Variants in GARIN2 observed in about 807,000 individuals in gnomAD.
The protein encoded by GARIN2 is Golgi-associated RAB2 interactor protein 2.
the GARIN2 span, among the ~76,000 whole-genome samples, chr14:67,216,759 T>G: frequency 6.6e-6 from 1 of 152,170 alleles, no homozygotes; most frequent in Non-Finnish European, 1.5e-5. Context: ...TGTGGTCAGA[T>G]AAAATACTTG....
chr14:67,226,869 T>A, the GARIN2 span, among the ~76,000 whole-genome samples: 1 of 152,208 alleles, frequency 6.6e-6, no homozygotes, highest in East Asian at 1.9e-4. Context: ...ACTTGTTGTA[T>A]GGTGTGGAGA....
the GARIN2 span, among the ~76,000 whole-genome samples, chr14:67,227,285 C>T: frequency 4.0e-5 from 6 of 151,634 alleles, no homozygotes; most frequent in Non-Finnish European, 8.8e-5. Context: ...ACTATAAATA[C>T]AAAAATTAGC....
At chr14:67,228,125 G>T in the GARIN2 span, among the ~76,000 whole-genome samples, 2 of 150,182 alleles carry the variant, frequency 1.3e-5, no homozygotes, top group Admixed American at 6.6e-5. Flanking sequence ...AGCCGAGATT[G>T]TGCCACTGCA....
the GARIN2 span, chr14:67,199,767 G>A: frequency 2.6e-6 from 4 of 1,538,638 alleles, no homozygotes; most frequent in Non-Finnish European, 3.5e-6. Context: ...CCTCCACCAG[G>A]CATGCCTCCT....
chr14:67,214,654 T>C, the GARIN2 span, among the ~76,000 whole-genome samples: 1 of 152,004 alleles, frequency 6.6e-6, no homozygotes, highest in Non-Finnish European at 1.5e-5. Flanking sequence ...TGCGGGCTCT[T>C]TTTTGGTTCC....
chr14:67,212,625 T>TTATATATAA, the GARIN2 span, among the ~76,000 whole-genome samples: 1 of 145,126 alleles, frequency 6.9e-6, no homozygotes, highest in East Asian at 2.0e-4. Context: ...GTAATATATA[T>TTATATATAA]TATATATAAT....
the GARIN2 span, chr14:67,200,117 C>A: frequency 1.2e-5 from 13 of 1,057,762 alleles, no homozygotes; most frequent in Middle Eastern, 2.6e-4. Flanking sequence ...GGCATGCCCC[C>A]CCGAAGGCCT....
At chr14:67,208,183 C>T in the GARIN2 span, 2 of 1,612,194 alleles carry the variant, frequency 1.2e-6, no homozygotes, top group African/African-American at 2.7e-5. Context: ...TGATTTGCTG[C>T]TGCTTTTTAT....
At chr14:67,226,986 A>C in the GARIN2 span, among the ~76,000 whole-genome samples, 16 of 152,266 alleles carry the variant, frequency 1.1e-4, no homozygotes, top group East Asian at 2.9e-3. Context: ...AAAGAGAGAA[A>C]TTTCTTTCAA....
the GARIN2 span, among the ~76,000 whole-genome samples, chr14:67,210,958 C>T: frequency 3.9e-5 from 6 of 152,060 alleles, no homozygotes; most frequent in East Asian, 1.2e-3. Context: ...TGAGATTGCA[C>T]CACTGCACTC....
chr14:67,201,720 A>G, the GARIN2 span: 2 of 344,472 alleles, frequency 5.8e-6, no homozygotes, highest in Non-Finnish European at 1.2e-5. Flanking sequence ...GGATTCTGTT[A>G]ATCCAGAAGA....
At chr14:67,225,052 C>A in the GARIN2 span, 1 of 1,324,534 alleles carries the variant, frequency 7.5e-7, no homozygotes, top group Non-Finnish European at 1.0e-6. Context: ...GGCTTTTTTT[C>A]TTTCTCACTT....
At chr14:67,194,874 T>C in the GARIN2 span, among the ~76,000 whole-genome samples, 1 of 152,172 alleles carries the variant, frequency 6.6e-6, no homozygotes, top group East Asian at 1.9e-4. Context: ...GCCAGGCTGA[T>C]CTTGAACTCC....
chr14:67,191,511 C>G, the GARIN2 span, among the ~76,000 whole-genome samples: 1 of 152,188 alleles, frequency 6.6e-6, no homozygotes, highest in South Asian at 2.1e-4. Flanking sequence ...CACTCTCTCC[C>G]CTTCCCAATG....
the GARIN2 span, chr14:67,199,810 T>C: frequency 6.6e-7 from 1 of 1,511,514 alleles, no homozygotes; most frequent in Non-Finnish European, 8.9e-7. Flanking sequence ...TGCTGCCTCC[T>C]GGAGCCCTCC....
chr14:67,212,578 A>C, the GARIN2 span, among the ~76,000 whole-genome samples: 1 of 122,260 alleles, frequency 8.2e-6, no homozygotes, highest in African/African-American at 3.2e-5. Context: ...GTGACAGAGC[A>C]AGACCCTGTT....
chr14:67,208,322 A>C, the GARIN2 span: 1 of 1,614,018 alleles, frequency 6.2e-7, no homozygotes, highest in Non-Finnish European at 8.5e-7. Flanking sequence ...TGAAGGTAAA[A>C]GATATTTTCA....
At chr14:67,210,182 T>C in the GARIN2 span, among the ~76,000 whole-genome samples, 1 of 152,226 alleles carries the variant, frequency 6.6e-6, no homozygotes, top group Non-Finnish European at 1.5e-5. Flanking sequence ...ATGGAAAACC[T>C]GTAAGTAATC....
At chr14:67,223,602 G>A in the GARIN2 span, 2 of 468,132 alleles carry the variant, frequency 4.3e-6, no homozygotes, top group Admixed American at 1.3e-4. Context: ...TCCACTCTGG[G>A]CTTGTTAAAT....
Sources: gnomAD v4.1 joint callset for allele counts (sites outside exome capture counted in the v4.1 genomes callset) on GRCh38, gnomAD v4.1.1 for gene constraint, MANE v1.5 for transcripts, NCBI Gene and HGNC (gene_info 2026-07-23, HGNC 2026-07-21) for gene names.